LRRC4C: variants seen among roughly 807,000 people sequenced by gnomAD.
LRRC4C encodes leucine-rich repeat-containing protein 4C.
LRRC4C carries 5 observed loss-of-function variants against 33.6 expected under a neutral mutation model. That is an observed-to-expected ratio of 0.15 (90% CI 0.08 to 0.31). The LOEUF (loss-of-function observed/expected upper bound fraction) is 0.31. Among genes scored for constraint, LRRC4C ranks in the 10% least tolerant of loss-of-function variants. LRRC4C has a pLI of 1.00. For missense variants in LRRC4C, 560 were observed against 796.7 expected (o/e 0.70, Z 3.58); for synonymous variants, 329 against 302.0 (o/e 1.09, Z -0.93).
At chr11:40,269,392 T>C (rs1347018347) in intron 4 of LRRC4C, among the ~76,000 whole-genome samples, 3 of 152,210 alleles carry the variant, frequency 2.0e-5, no homozygotes, top group African/African-American at 7.2e-5. Context: ...GGTATTATTA[T>C]TGTCCCCACT....
At chr11:40,228,067 G>T (rs1010895480) in intron 5 of LRRC4C, among the ~76,000 whole-genome samples, 1 of 152,134 alleles carries the variant, frequency 6.6e-6, no homozygotes, top group African/African-American at 2.4e-5. Context: ...TCAGACTCCA[G>T]GGTCTCCACA....
chr11:40,688,487 G>C (rs1945067937), intron 2 of LRRC4C, among the ~76,000 whole-genome samples: 2 of 152,054 alleles, frequency 1.3e-5, no homozygotes, highest in African/African-American at 4.8e-5. Flanking sequence ...TAAGAATTCA[G>C]AAATTAGGCA....
At chr11:41,421,077 C>A (rs540593049) in intron 1 of LRRC4C, among the ~76,000 whole-genome samples, 17 of 152,012 alleles carry the variant, frequency 1.1e-4, no homozygotes, top group African/African-American at 3.9e-4. Flanking sequence ...TGCCTCAGTT[C>A]CCTCATCTGT....
intron 3 of LRRC4C, among the ~76,000 whole-genome samples, chr11:40,413,096 C>T (rs1329232281): frequency 6.6e-6 from 1 of 151,870 alleles, no homozygotes; most frequent in South Asian, 2.1e-4. Context: ...AAGAAAAAGA[C>T]ATAGTAATTG....
At chr11:41,232,307 T>C (rs1344696594) in intron 1 of LRRC4C, among the ~76,000 whole-genome samples, 1 of 152,148 alleles carries the variant, frequency 6.6e-6, no homozygotes, top group Non-Finnish European at 1.5e-5. Flanking sequence ...GACTTTGATA[T>C]ACTGGACTAG....
chr11:41,215,488 A>C lies in LRRC4C; in HGVS notation c.-496+243943T>G, dbSNP rs1947021481. 4.6e-5 allele frequency among the ~76,000 whole-genome samples: 5 copies of C among 109,446 alleles called. No homozygotes were observed. In the South Asian group the frequency reaches 1.3e-3, roughly 29 times the overall value. The allele number at this position is 109,446 out of a possible 152,430, so 71.8% of individuals were successfully genotyped here. On this transcript the variant is annotated intron_variant, in intron 1 of 6. Coordinates refer to ENST00000528697, the MANE Select transcript of LRRC4C (RefSeq NM_001258419.2). ...GGGTGACAGAGTGCAATTCCATCTC[A>C]AAAAAAAAAAAAAAAAAAAAAATTC...
chr11:41,063,977 G>C (rs1204626896), intron 1 of LRRC4C, among the ~76,000 whole-genome samples: 1 of 152,064 alleles, frequency 6.6e-6, no homozygotes, highest in African/African-American at 2.4e-5. Context: ...TCAGGAGGTG[G>C]GTAGTAAGGA....
At chr11:41,380,913 T>C (rs1953121882) in intron 1 of LRRC4C, among the ~76,000 whole-genome samples, 1 of 152,084 alleles carries the variant, frequency 6.6e-6, no homozygotes, top group Non-Finnish European at 1.5e-5. Flanking sequence ...CTCTGAAGAC[T>C]CCAAGAAAAC....
At chr11:40,141,721 G>C (rs1857379337) in intron 5 of LRRC4C, among the ~76,000 whole-genome samples, 1 of 152,152 alleles carries the variant, frequency 6.6e-6, no homozygotes, top group Non-Finnish European at 1.5e-5. Context: ...AAATCTTCAA[G>C]GGACAAGGAG....
At chr11:40,542,364 C>G (rs895380443) in intron 3 of LRRC4C, among the ~76,000 whole-genome samples, 4 of 151,998 alleles carry the variant, frequency 2.6e-5, no homozygotes, top group African/African-American at 9.7e-5. Flanking sequence ...GTTTTGTCAA[C>G]CTCTATTCAA....
chr11:40,328,537 T>G (rs919340501), intron 3 of LRRC4C, among the ~76,000 whole-genome samples: 6 of 152,204 alleles, frequency 3.9e-5, no homozygotes, highest in Non-Finnish European at 8.8e-5. Context: ...GTCATCATAC[T>G]CTTTCTGGGA....
chr11:40,580,072 T>A (rs1267464687), intron 3 of LRRC4C, among the ~76,000 whole-genome samples: 1 of 151,260 alleles, frequency 6.6e-6, no homozygotes, highest in Non-Finnish European at 1.5e-5. Flanking sequence ...TGTGTGTGTG[T>A]GTGTGTGTGT....
intron 2 of LRRC4C, among the ~76,000 whole-genome samples, chr11:40,888,691 C>CTT (rs992933501): frequency 1.3e-5 from 2 of 151,966 alleles, no homozygotes; most frequent in African/African-American, 2.4e-5. Flanking sequence ...GGAAATTTCT[C>CTT]TTGATTAACC....
At chr11:40,902,048 CTCT>C (rs1414468887) in intron 2 of LRRC4C, among the ~76,000 whole-genome samples, 1 of 140,136 alleles carries the variant, frequency 7.1e-6, no homozygotes, top group Non-Finnish European at 1.6e-5. Flanking sequence ...ACACACACAC[CTCT>C]TTTTGTTGAG....
At chr11:40,448,953 A>G (rs1291318696) in intron 3 of LRRC4C, among the ~76,000 whole-genome samples, 1 of 152,200 alleles carries the variant, frequency 6.6e-6, no homozygotes, top group African/African-American at 2.4e-5. Flanking sequence ...AACTGGCATG[A>G]AATGATATCT....
chr11:40,780,683 G>A lies in LRRC4C; in HGVS notation c.-406-132405C>T, dbSNP rs116867112. Among the ~76,000 whole-genome samples the A allele has an allele frequency of 1.8e-3, 279 of 152,092 alleles. 4 individuals carry two copies. In the East Asian group the frequency reaches 0.042, roughly 23 times the overall value. ...CATTATAACAAATGGCATTTAGAAA[G>A]TATCCTTTGAAACTGAACCTCATAT... On this transcript the variant is annotated intron_variant, in intron 2 of 6. Transcript: ENST00000528697.
chr11:40,652,863 C>G (rs1565601830), intron 2 of LRRC4C, among the ~76,000 whole-genome samples: 2 of 152,162 alleles, frequency 1.3e-5, no homozygotes, highest in Non-Finnish European at 2.9e-5. Context: ...TGATTATAAT[C>G]CCCATAATCC....
chr11:40,711,737 A>G (rs75144340), intron 2 of LRRC4C, among the ~76,000 whole-genome samples: 1 of 150,816 alleles, frequency 6.6e-6, no homozygotes, highest in African/African-American at 2.4e-5. Flanking sequence ...AAAAAAAAAA[A>G]CTTTGTACCA....
At chr11:40,945,065 T>C (rs138106772) in intron 1 of LRRC4C, among the ~76,000 whole-genome samples, 11,737 of 148,654 alleles carry the variant, frequency 0.079, 646 homozygotes, top group African/African-American at 0.14. Flanking sequence ...TCTTGCTTTG[T>C]CGCCCGGGCT....
Sources: gnomAD v4.1 joint callset for allele counts (sites outside exome capture counted in the v4.1 genomes callset) on GRCh38, gnomAD v4.1.1 for gene constraint, MANE v1.5 for transcripts, NCBI Gene and HGNC (gene_info 2026-07-23, HGNC 2026-07-21) for gene names.